OR51B5: variants seen among roughly 807,000 people sequenced by gnomAD.
OR51B5 encodes the protein olfactory receptor 51B5.
For synonymous variants in OR51B5, 186 were observed against 144.8 expected, an observed-to-expected ratio of 1.28 and a Z score of -2.04; for missense variants, 456 against 374.6, an observed-to-expected ratio of 1.22 and a Z score of -1.79.
chr11:5,421,372 C>T (rs987632910), intron 1 of OR51B5, among the ~76,000 whole-genome samples: 13 of 152,192 alleles, frequency 8.5e-5, no homozygotes, highest in African/African-American at 2.9e-4. Context: ...GGTAAGACTC[C>T]TCTGTGAATC....
chr11:5,387,454 G>C (rs1195930859), intron 1 of OR51B5, among the ~76,000 whole-genome samples: 1 of 152,088 alleles, frequency 6.6e-6, no homozygotes, highest in African/African-American at 2.4e-5. Flanking sequence ...GATAAATGTG[G>C]ACTATTTTTT....
chr11:5,428,392 TTTA>T (rs1212437208), intron 1 of OR51B5, among the ~76,000 whole-genome samples: 2 of 152,204 alleles, frequency 1.3e-5, no homozygotes, highest in Admixed American at 6.5e-5. Flanking sequence ...TTAAAAATAC[TTTA>T]TTGTTTAAAA....
chr11:5,413,036 C>CCTG (rs1850175279), intron 1 of OR51B5, among the ~76,000 whole-genome samples: 4 of 48,706 alleles, frequency 8.2e-5, no homozygotes, highest in Non-Finnish European at 2.9e-4. Context: ...GAGGCACCCC[C>CCTG]CAGTAGGGCA....
chr11:5,474,666 C>T (rs563640272), intron 1 of OR51B5, among the ~76,000 whole-genome samples: 2 of 152,194 alleles, frequency 1.3e-5, no homozygotes, highest in Admixed American at 1.3e-4. Context: ...ATAATTTGTG[C>T]CAATGCAATA....
intron 1 of OR51B5, among the ~76,000 whole-genome samples, chr11:5,387,433 G>T (rs1849713046): frequency 6.6e-6 from 1 of 152,118 alleles, no homozygotes; most frequent in African/African-American, 2.4e-5. Context: ...GAGAAGTAAA[G>T]AAATGGAAAA....
intron 1 of OR51B5, among the ~76,000 whole-genome samples, chr11:5,456,715 A>G (rs916931800): frequency 1.3e-5 from 2 of 152,168 alleles, no homozygotes; most frequent in African/African-American, 2.4e-5. Flanking sequence ...TCACCCAGGT[A>G]GTGAGCATAT....
intron 1 of OR51B5, chr11:5,430,594 A>T: frequency 2.5e-6 from 1 of 401,486 alleles, no homozygotes; most frequent in Non-Finnish European, 5.0e-6. Flanking sequence ...CTTTGCCCAT[A>T]GCAGAAACAT....
intron 1 of OR51B5, among the ~76,000 whole-genome samples, chr11:5,361,786 G>T (rs1176667926): frequency 2.0e-5 from 3 of 151,968 alleles, no homozygotes; most frequent in African/African-American, 7.3e-5. Flanking sequence ...AAAATCCACG[G>T]GAATACAGAA....
chr11:5,480,041 C>T (rs1438573335), intron 1 of OR51B5, among the ~76,000 whole-genome samples: 1 of 151,830 alleles, frequency 6.6e-6, no homozygotes, highest in African/African-American at 2.4e-5. Context: ...CTCTCCACCC[C>T]AAATCAACAG....
chr11:5,374,969 G>A (rs1380985324), intron 1 of OR51B5, among the ~76,000 whole-genome samples: 2 of 151,606 alleles, frequency 1.3e-5, no homozygotes, highest in African/African-American at 4.9e-5. Flanking sequence ...TTCAGATTCA[G>A]GAAATACAGA....
chr11:5,440,866 G>A, intron 1 of OR51B5: 3 of 1,613,804 alleles, frequency 1.9e-6, no homozygotes, highest in Non-Finnish European at 2.5e-6. Flanking sequence ...TAGGAAAGCA[G>A]GATGAAAGTT....
chr11:5,452,500 G>T (rs1008540655), intron 1 of OR51B5, among the ~76,000 whole-genome samples: 1 of 67,502 alleles, frequency 1.5e-5, no homozygotes. Flanking sequence ...GAGAGACTCT[G>T]TCTCAAAAAA....
intron 1 of OR51B5, chr11:5,430,668 C>G: frequency 2.2e-6 from 1 of 454,776 alleles, no homozygotes; most frequent in South Asian, 1.6e-5. Context: ...GCAATTCCCT[C>G]TTGCAGGAAA....
intron 1 of OR51B5, chr11:5,430,985 C>T (rs745489260): frequency 9.4e-5 from 43 of 456,850 alleles, no homozygotes; most frequent in South Asian, 5.7e-4. Flanking sequence ...CCGAAATTTG[C>T]GAGAACAATG....
chr11:5,492,816 G>A (rs916824675), intron 1 of OR51B5, among the ~76,000 whole-genome samples: 8 of 151,998 alleles, frequency 5.3e-5, no homozygotes, highest in African/African-American at 1.9e-4. Context: ...TGTATTTTTG[G>A]TAGAGACAGA....
At chr11:5,477,198 G>C (rs964405439) in intron 1 of OR51B5, among the ~76,000 whole-genome samples, 7 of 152,214 alleles carry the variant, frequency 4.6e-5, no homozygotes, top group Non-Finnish European at 8.8e-5. Context: ...GAGCGCCAGG[G>C]GAGATGAGTC....
intron 1 of OR51B5, among the ~76,000 whole-genome samples, chr11:5,450,345 C>T (rs980888540): frequency 2.6e-5 from 4 of 152,124 alleles, no homozygotes; most frequent in Admixed American, 1.3e-4. Context: ...GCCAAGATTG[C>T]ACCACTGCAC....
intron 1 of OR51B5, among the ~76,000 whole-genome samples, chr11:5,410,604 C>A (rs546347819): frequency 3.3e-5 from 5 of 151,938 alleles, no homozygotes; most frequent in Non-Finnish European, 7.4e-5. Context: ...AGTATTTCTT[C>A]TACTTAGAAA....
At chr11:5,346,417 A>G (rs1848991122), upstream of OR51B5, 1 of 152,150 alleles carries the variant, frequency 6.6e-6, no homozygotes, top group Admixed American at 6.5e-5. Flanking sequence ...GGAAGGAAAG[A>G]GATCATAAAG....
Sources: gnomAD v4.1 joint callset for allele counts (sites outside exome capture counted in the v4.1 genomes callset) on GRCh38, gnomAD v4.1.1 for gene constraint, MANE v1.5 for transcripts, NCBI Gene and HGNC (gene_info 2026-07-23, HGNC 2026-07-21) for gene names.